Variants in PHF2 observed in about 807,000 individuals in gnomAD.
The protein encoded by PHF2 is PHD finger protein 2.
A neutral mutation model predicts 120.5 loss-of-function variants in PHF2; 27 were observed. The observed-to-expected ratio is 0.22, with a 90% CI of 0.17 to 0.31. PHF2 has a LOEUF of 0.31. Among genes scored for constraint, PHF2 ranks in the 10% least tolerant of loss-of-function variants. The probability of loss-of-function intolerance (pLI) is 1.00; values close to 1 mark genes in which losing one functional copy is unlikely to be tolerated. For missense variants in PHF2, 1,024 were observed against 1,434.8 expected (o/e 0.71, Z 4.63); for synonymous variants, 568 against 592.5 (o/e 0.96, Z 0.60).
chr9:93,663,035 T>C lies in PHF2; in HGVS notation c.1818+9T>C. ...CCAAGTGGAAGTACAAGGTGAGAAG[T>C]GCACATATGCATGCACACGTGTGTG... On this transcript the variant is annotated intron_variant, in intron 13 of 21. Coordinates refer to ENST00000359246, the MANE Select transcript of PHF2 (RefSeq NM_005392.4). The C allele has an allele frequency of 1.2e-6, 2 of 1,613,968 alleles. No homozygotes were observed. Among genetic ancestry groups the C allele is most frequent in the African/African-American group, 2.7e-5 (2 of 75,020 alleles).
rs149606173 is a variant in PHF2 at position 93,626,470 on chromosome 9, G to A, written c.99-3500G>A. Among the ~76,000 whole-genome samples, 729 of 152,226 alleles carry A rather than the reference G, an allele frequency of 4.8e-3. 7 individuals carry two copies. Among genetic ancestry groups the A allele is most frequent in the African/African-American group, 0.017 (689 of 41,542 alleles). On this transcript the variant is annotated intron_variant, in intron 1 of 21. Transcript: ENST00000359246. ...GAACTGTAATAGTTCTTTATATGTT[G>A]TGGATGCCATACCCTTGTCTTATTT...
At position 93,656,393 on chromosome 9, in the gene PHF2, G is replaced by T; in HGVS notation, c.1041-96G>T. Reference sequence around the variant, plus strand: ...TCCTCAGCTATGCAGGGCCCAGTGGGGAGGCCTGAGCTGGTGTGTCTGGGG... The same window carrying T: ...TCCTCAGCTATGCAGGGCCCAGTGGTGAGGCCTGAGCTGGTGTGTCTGGGG... On this transcript the variant is annotated intron_variant, in intron 8 of 21. Coordinates refer to ENST00000359246, the MANE Select transcript of PHF2 (RefSeq NM_005392.4). This position sits in a 1 kb window ranked among gnomAD's most constrained non-coding sequence, Gnocchi z 4.1. The T allele has an allele frequency of 1.1e-6, 1 of 873,148 alleles. No individual in the cohort carries two copies. 54.1% of individuals were successfully genotyped at this position (873,148 alleles called of 1,614,324 possible). A position where few individuals can be genotyped will look rare whatever the true frequency, so the allele number is the denominator to read the frequency against.
chr9:93,636,231 G>GGC (rs1826087589), intron 2 of PHF2, among the ~76,000 whole-genome samples, 180 bp from the exon 3 acceptor site: 1 of 152,068 alleles, frequency 6.6e-6, no homozygotes, highest in Non-Finnish European at 1.5e-5. Context: ...GAGGTAGGGG[G>GGC]TTGACTCCTC....
chr9:93,645,470 G>T (rs750848520), intron 3 of PHF2, among the ~76,000 whole-genome samples, 159 bp from the exon 4 acceptor site: 10 of 152,192 alleles, frequency 6.6e-5, no homozygotes, highest in East Asian at 1.9e-4. Flanking sequence ...CTGCTCTATC[G>T]TCCCATTTGT....
intron 5 of PHF2, among the ~76,000 whole-genome samples, chr9:93,651,172 G>T (rs1037626248): frequency 1.3e-5 from 2 of 151,828 alleles, no homozygotes; most frequent in Non-Finnish European, 2.9e-5. Flanking sequence ...AAAGGGAAAT[G>T]GAGTGGGTTA....
Position 93,631,963 on chromosome 9 carries a change from T to TAA in PHF2, c.184+1908_184+1909insAA, listed in dbSNP as rs1490109738. Reference sequence around the variant, plus strand: ...AGCATACATTTCAAGGGGTCCTTGCTTGGGGGCTCTTGCATGAGTTGGGGC... The same window carrying TAA: ...AGCATACATTTCAAGGGGTCCTTGCTAATGGGGGCTCTTGCATGAGTTGGGGC... On this transcript the variant is annotated intron_variant, in intron 2 of 21. Transcript: ENST00000359246. Among the ~76,000 whole-genome samples the TAA allele has an allele frequency of 2.5e-4, 38 of 152,226 alleles. No homozygotes were observed. The East Asian group carries it at 6.0e-3, about 24-fold the overall frequency.
intron 1 of PHF2, among the ~76,000 whole-genome samples, chr9:93,579,382 A>G (rs1862893055): frequency 6.6e-6 from 1 of 152,280 alleles, no homozygotes; most frequent in South Asian, 2.1e-4. Flanking sequence ...GTTTCCCTGT[A>G]TCCTTCTCTC....
At chr9:93,580,001 G>C (rs561557842) in intron 1 of PHF2, among the ~76,000 whole-genome samples, 1 of 152,246 alleles carries the variant, frequency 6.6e-6, no homozygotes, top group Non-Finnish European at 1.5e-5. Flanking sequence ...AGGGAGAATC[G>C]TTGTGTTCTA....
Position 93,677,752 on chromosome 9 carries a change from G to T in PHF2, c.*76G>T. Reference sequence around the variant, plus strand: ...GCGAAAACATCTGCCTCCCAGGAGGGTGCCGAGCTGCCTCACCAGGGAGGG... The same window carrying T: ...GCGAAAACATCTGCCTCCCAGGAGGTTGCCGAGCTGCCTCACCAGGGAGGG... On this transcript the variant is annotated 3_prime_UTR_variant, in exon 22 of 22. Transcript: ENST00000359246. This position sits in a 1 kb window ranked among gnomAD's most constrained non-coding sequence, Gnocchi z 4.4. The T allele has an allele frequency of 1.8e-6, 2 of 1,107,758 alleles. No individual in the cohort carries two copies. The allele number at this position is 1,107,758 out of a possible 1,614,324, so 68.6% of individuals were successfully genotyped here. A position where few individuals can be genotyped will look rare whatever the true frequency, so the allele number is the denominator to read the frequency against.
intron 1 of PHF2, among the ~76,000 whole-genome samples, chr9:93,614,029 CCT>C (rs1385216349): frequency 6.6e-6 from 1 of 152,138 alleles, no homozygotes; most frequent in Non-Finnish European, 1.5e-5. Flanking sequence ...TGCATTGTCC[CCT>C]CTCTGGATGA....
At chr9:93,588,383 G>C (rs1863101932) in intron 1 of PHF2, among the ~76,000 whole-genome samples, 2 of 152,198 alleles carry the variant, frequency 1.3e-5, no homozygotes. Flanking sequence ...GTCCGTTCTA[G>C]CCTGGGGGCT....
chr9:93,583,337 A>G (rs902430614), intron 1 of PHF2, among the ~76,000 whole-genome samples: 2 of 152,140 alleles, frequency 1.3e-5, no homozygotes, highest in African/African-American at 4.8e-5. Context: ...GGTTCTTTCC[A>G]CCTATGGCTG....
intron 17 of PHF2, chr9:93,671,027 GGGTGCAGGTGTGGGGGTA>G: frequency 2.0e-6 from 2 of 984,792 alleles, no homozygotes; most frequent in African/African-American, 1.8e-5. Flanking sequence ...ATGTTCAGGT[GGGTGCAGGTGTGGGGGTA>G]GGTGCAGGTG....
chr9:93,619,730 G>A (rs77620025), intron 1 of PHF2, among the ~76,000 whole-genome samples: 2,823 of 152,354 alleles, frequency 0.019, 55 homozygotes, highest in South Asian at 0.057. Flanking sequence ...GGCCCCTGAA[G>A]TTTGCACTTC....
chr9:93,585,032 T>C (rs1863012418), intron 1 of PHF2, among the ~76,000 whole-genome samples: 1 of 152,250 alleles, frequency 6.6e-6, no homozygotes, highest in Non-Finnish European at 1.5e-5. Context: ...TTTTTCAGAT[T>C]GTTCATTGAT....
intron 17 of PHF2, among the ~76,000 whole-genome samples, chr9:93,672,129 C>T (rs55714459): frequency 0.53 from 15,961 of 30,090 alleles, 3,920 homozygotes; most frequent in African/African-American, 0.57. Context: ...GGTGTGGGTG[C>T]GGATGTAGGT....
At position 93,676,881 on chromosome 9, in the gene PHF2, C is replaced by T; in HGVS notation, c.3120C>T (p.Thr1040=). 3 of 1,578,626 alleles carry T rather than the reference C, an allele frequency of 1.9e-6. No individual in the cohort carries two copies. Among genetic ancestry groups the T allele is most frequent in the Middle Eastern group, 1.7e-4 (1 of 6,004 alleles). The change falls in exon 21 of 22, where the codon ACC becomes ACT. Residue 1040 remains threonine, a synonymous_variant. Transcript: ENST00000359246. ...GTFTGAQAGR[T]SQPMAPGVFL... ...TCACCGGGGCCCAGGCTGGCCGCAC[C>T]TCCCAGCCCATGGCCCCTGGGGTCT...
At chr9:93,618,681 T>C (rs1825766621) in intron 1 of PHF2, among the ~76,000 whole-genome samples, 3 of 152,192 alleles carry the variant, frequency 2.0e-5, no homozygotes, top group African/African-American at 7.2e-5. Context: ...TTTTTAAAAA[T>C]TGTAATATTA....
At chr9:93,632,549 A>G (rs745937085) in intron 2 of PHF2, among the ~76,000 whole-genome samples, 1 of 152,292 alleles carries the variant, frequency 6.6e-6, no homozygotes, top group African/African-American at 2.4e-5. Flanking sequence ...CTTCTGGTTC[A>G]TAGACAGTGC....
Sources: allele counts gnomAD v4.1 joint callset (sites outside exome capture counted in the v4.1 genomes callset), GRCh38; gene constraint gnomAD v4.1.1; non-coding constraint Gnocchi (gnomAD v3.1); transcripts MANE v1.5; gene names NCBI Gene and HGNC (gene_info 2026-07-23, HGNC 2026-07-21).